Variants in LRCH3 observed in about 807,000 individuals in gnomAD.
LRCH3 encodes leucine rich repeats and calponin homology domain containing 3.
LRCH3 carries 68 observed loss-of-function variants against 104.5 expected under a neutral mutation model. That is an observed-to-expected ratio of 0.65 (90% CI 0.54 to 0.80). LRCH3 has a LOEUF of 0.80. LRCH3 is among the 30% of genes least tolerant of loss of function. The probability of loss-of-function intolerance (pLI) is 0.00; values close to 1 mark genes in which losing one functional copy is unlikely to be tolerated. For missense variants in LRCH3, 951 were observed against 953.9 expected, an observed-to-expected ratio of 1.00 and a Z score of 0.04; for synonymous variants, 344 against 361.3, an observed-to-expected ratio of 0.95 and a Z score of 0.54.
intron 19 of LRCH3, among the ~76,000 whole-genome samples, chr3:197,874,337 C>T (rs146997436): frequency 4.6e-5 from 7 of 152,252 alleles, no homozygotes; most frequent in African/African-American, 1.7e-4. Context: ...GGAGCATGAA[C>T]GCTGGTGTGA....
chr3:197,827,788 C>T (rs1735401888), intron 5 of LRCH3, among the ~76,000 whole-genome samples: 1 of 151,608 alleles, frequency 6.6e-6, no homozygotes. Flanking sequence ...ACCATAAATG[C>T]TAGAGACAGG....
intron 9 of LRCH3, among the ~76,000 whole-genome samples, chr3:197,838,845 G>C (rs1010299372): frequency 3.3e-5 from 5 of 152,116 alleles, no homozygotes; most frequent in African/African-American, 1.2e-4. Flanking sequence ...GTTTGTATGA[G>C]TATGATAAGA....
At chr3:197,881,983 C>G (rs1580930953) in intron 20 of LRCH3, 2 of 985,394 alleles carry the variant, frequency 2.0e-6, no homozygotes, top group Admixed American at 1.2e-4. Context: ...CTTCAGTTTT[C>G]TGTGTCAGTA....
intron 8 of LRCH3, among the ~76,000 whole-genome samples, chr3:197,834,925 C>T (rs1367186186): frequency 1.3e-5 from 2 of 152,140 alleles, no homozygotes; most frequent in African/African-American, 2.4e-5. Flanking sequence ...GGGCGGATCG[C>T]TTGAGCCCAG....
chr3:197,875,649 C>T (rs953346602), intron 19 of LRCH3, 49 bp from the exon 20 acceptor site: 2 of 1,419,216 alleles, frequency 1.4e-6, no homozygotes, highest in East Asian at 5.0e-5. Flanking sequence ...GAGACCCTGT[C>T]CCAGAAACAA....
chr3:197,837,796 C>G (rs772902033), intron 9 of LRCH3, among the ~76,000 whole-genome samples: 4 of 151,970 alleles, frequency 2.6e-5, no homozygotes, highest in Non-Finnish European at 4.4e-5. Flanking sequence ...CCTGTAATCC[C>G]AGCACTGTGG....
intron 9 of LRCH3, among the ~76,000 whole-genome samples, chr3:197,838,060 C>CA (rs35208899): frequency 0.013 from 1,811 of 142,482 alleles, 18 homozygotes; most frequent in Middle Eastern, 0.033. Flanking sequence ...ATTCTGTATC[C>CA]AAAAAAAAAA....
At chr3:197,834,912 A>G (rs1414778225) in intron 8 of LRCH3, among the ~76,000 whole-genome samples, 6 of 152,128 alleles carry the variant, frequency 3.9e-5, no homozygotes, top group African/African-American at 1.2e-4. Context: ...GGGTGGCCAC[A>G]GTGGGCGGAT....
At chr3:197,806,237 A>G (rs1222021772) in intron 1 of LRCH3, among the ~76,000 whole-genome samples, 2 of 151,996 alleles carry the variant, frequency 1.3e-5, no homozygotes, top group East Asian at 1.9e-4. Context: ...ATGTTTTTAA[A>G]TATGAAAAGA....
chr3:197,842,608 C>A (rs1737969077), intron 10 of LRCH3, among the ~76,000 whole-genome samples: 2 of 152,230 alleles, frequency 1.3e-5, no homozygotes, highest in South Asian at 4.1e-4. Context: ...CCAACACATA[C>A]ATTTCTTCCC....
At chr3:197,832,465 C>A in intron 8 of LRCH3, 148 bp downstream of exon 8, 1 of 732,984 alleles carries the variant, frequency 1.4e-6, no homozygotes, top group Non-Finnish European at 2.0e-6. Context: ...TTGAAAAATA[C>A]TATTTTCCAT....
intron 1 of LRCH3, among the ~76,000 whole-genome samples, chr3:197,792,719 T>G (rs1040265106): frequency 6.3e-4 from 76 of 120,680 alleles, no homozygotes; most frequent in African/African-American, 2.3e-3. Flanking sequence ...TGACACAATC[T>G]CTGCTCATTG....
rs1739754028 is a variant in LRCH3 at position 197,852,576 on chromosome 3, A to G, written c.1546A>G (p.Ser516Gly). Residue 516 changes from serine (S) to glycine (G), a missense_variant, in exon 13 of 21, where the codon AGT becomes GGT. Coordinates refer to ENST00000425562, the MANE Select transcript of LRCH3 (RefSeq NM_001365715.1). ...GATTATACAGCAAAAAGCATCACAA[A>G]GTCCACAAAAACAGCACCCGCTCCT... is the stretch of plus-strand genomic sequence containing the variant. ...LDFVKQKASQ[S>G]PQKQHPLLDG... is the part of the protein sequence containing the mutation. The G allele has an allele frequency of 2.5e-6, 4 of 1,614,146 alleles. No homozygotes were observed. In the Admixed American group the frequency reaches 5.0e-5, roughly 20 times the overall value.
At position 197,883,947 on chromosome 3, in the gene LRCH3, C is replaced by T. The variant is rs1713991770; in HGVS notation, c.*281C>T. 1 of 324,302 alleles carries T rather than the reference C, an allele frequency of 3.1e-6. No individual in the cohort carries two copies. The highest frequency in any genetic ancestry group is 5.6e-6 in the Non-Finnish European group (1 of 177,798). 20.1% of individuals were successfully genotyped at this position (324,302 alleles called of 1,614,324 possible). A position where few individuals can be genotyped will look rare whatever the true frequency, so the allele number is the denominator to read the frequency against. The stretch of plus-strand genomic sequence containing the variant: ...TGGCTGTGTTTTCCTGGAGAGCAGG[C>T]GTGTTTCACGTGCCAGAAAGCACAT... On this transcript the variant is annotated 3_prime_UTR_variant, in exon 21 of 21. Coordinates refer to ENST00000425562, the MANE Select transcript of LRCH3 (RefSeq NM_001365715.1). The surrounding 1 kb of genome is among the most constrained non-coding windows in gnomAD (Gnocchi z 4.2).
At chr3:197,882,496 T>C (rs1332553665) in intron 20 of LRCH3, 7 of 933,414 alleles carry the variant, frequency 7.5e-6, no homozygotes, top group Non-Finnish European at 8.9e-6. Context: ...AATTTCCTAG[T>C]AATATCGTCT....
chr3:197,845,524 G>C lies in LRCH3; in HGVS notation c.1329-1885G>C, dbSNP rs111550632. Among the ~76,000 whole-genome samples the C allele has an allele frequency of 7.1e-3, 1,085 of 152,116 alleles. 13 individuals carry two copies. Among genetic ancestry groups the C allele is most frequent in the African/African-American group, 0.025 (1,037 of 41,504 alleles). On this transcript the variant is annotated intron_variant, in intron 10 of 20. Coordinates refer to ENST00000425562, the MANE Select transcript of LRCH3 (RefSeq NM_001365715.1). ...TGTCTCAGTATTCCATGCTTTTTCGGGGGAGGGTGCTACTGTCATTCATTC... is the reference window on the plus strand; with the variant it reads ...TGTCTCAGTATTCCATGCTTTTTCGCGGGAGGGTGCTACTGTCATTCATTC...
chr3:197,860,487 G>A (rs1471534913), intron 15 of LRCH3, among the ~76,000 whole-genome samples: 1 of 152,146 alleles, frequency 6.6e-6, no homozygotes, highest in Non-Finnish European at 1.5e-5. Context: ...ATACAATTGA[G>A]GCCAGGAACT....
intron 4 of LRCH3, 132 bp from the exon 5 acceptor site, chr3:197,826,746 G>C: frequency 9.0e-7 from 1 of 1,114,976 alleles, no homozygotes; most frequent in African/African-American, 1.6e-5. Context: ...TTACCACTTT[G>C]CTACCAGTTA....
intron 12 of LRCH3, among the ~76,000 whole-genome samples, chr3:197,848,821 G>A (rs1739143619): frequency 6.6e-6 from 1 of 152,144 alleles, no homozygotes; most frequent in South Asian, 2.1e-4. Flanking sequence ...TCTCCTTTAA[G>A]TACGATGCGT....
Sources: gnomAD v4.1 joint callset for allele counts (sites outside exome capture counted in the v4.1 genomes callset) on GRCh38, gnomAD v4.1.1 for gene constraint, Gnocchi (gnomAD v3.1) non-coding constraint, MANE v1.5 for transcripts, NCBI Gene and HGNC (gene_info 2026-07-23, HGNC 2026-07-21) for gene names.